Variants in RELL1 observed in about 807,000 individuals in gnomAD.
RELL1 encodes RELT-like protein 1.
RELL1 carries 10 observed loss-of-function variants against 23.0 expected under a neutral mutation model. The observed-to-expected ratio is 0.43, with a 90% CI of 0.27 to 0.74. The LOEUF is 0.74. Ranked by LOEUF, RELL1 falls within the 30% of genes least tolerant of loss-of-function variation. RELL1 has a pLI of 0.19. For synonymous variants in RELL1, 146 were observed against 146.8 expected (o/e 0.99, Z 0.04); for missense variants, 315 against 364.4 (o/e 0.86, Z 1.10).
At chr4:37,590,578 G>A, downstream of RELL1, 1 of 1,614,168 alleles carries the variant, frequency 6.2e-7, no homozygotes, top group Non-Finnish European at 8.5e-7. Flanking sequence ...TTTTGCCTTG[G>A]AAGTACAAGA....
intron 5 of RELL1, 131 bp downstream of exon 5, chr4:37,634,756 A>T: frequency 2.5e-6 from 2 of 803,926 alleles, no homozygotes; most frequent in South Asian, 1.6e-5. Flanking sequence ...ACCAGAAAAC[A>T]TCTAAAAAGC....
chr4:37,600,244 T>C (rs975689429), intron 6 of RELL1, among the ~76,000 whole-genome samples: 2 of 138,758 alleles, frequency 1.4e-5, no homozygotes, highest in South Asian at 4.5e-4. Flanking sequence ...CACTCCAGCC[T>C]GGGTGACAGA....
chr4:37,606,226 GGAAA>G (rs1719219383), downstream of RELL1, among the ~76,000 whole-genome samples: 1 of 141,446 alleles, frequency 7.1e-6, no homozygotes, highest in African/African-American at 2.4e-5. This position sits in a 1 kb window ranked among gnomAD's most constrained non-coding sequence, Gnocchi z 4.1. Context: ...GAAAGAAAAA[GGAAA>G]GAAGACAAGA....
At chr4:37,653,591 G>A (rs190839541) in intron 1 of RELL1, among the ~76,000 whole-genome samples, 104 of 151,078 alleles carry the variant, frequency 6.9e-4, no homozygotes, top group African/African-American at 2.3e-3. Context: ...ACTGAGACCC[G>A]TCTCAGATAC....
At chr4:37,685,981 G>C (rs1267351492) in intron 1 of RELL1, among the ~76,000 whole-genome samples, 1 of 152,264 alleles carries the variant, frequency 6.6e-6, no homozygotes, top group African/African-American at 2.4e-5. Flanking sequence ...AGGGAGGGAA[G>C]GCGGGAGCGG....
downstream of RELL1, among the ~76,000 whole-genome samples, chr4:37,605,831 GAAA>G (rs1194848785): frequency 8.9e-6 from 1 of 111,838 alleles, no homozygotes; most frequent in Non-Finnish European, 2.1e-5. Flanking sequence ...AAGAAAGAAA[GAAA>G]GAAAGAAAGA....
chr4:37,626,178 T>C (rs1478222120), intron 6 of RELL1, among the ~76,000 whole-genome samples: 2 of 152,108 alleles, frequency 1.3e-5, no homozygotes, highest in Non-Finnish European at 2.9e-5. Context: ...CGCAGGTCAC[T>C]AACAAAAATT....
intron 3 of RELL1, among the ~76,000 whole-genome samples, chr4:37,646,887 C>T (rs4832733): frequency 0.026 from 3,942 of 152,152 alleles, 209 homozygotes; most frequent in East Asian, 0.16. Context: ...GCCACCATGC[C>T]TGGCTATTTA....
chr4:37,593,778 G>A (rs1487085841), intron 6 of RELL1, among the ~76,000 whole-genome samples: 1 of 152,204 alleles, frequency 6.6e-6, no homozygotes, highest in Non-Finnish European at 1.5e-5. Context: ...GGTTTCAAAA[G>A]ATTGGAAGAT....
chr4:37,647,176 C>T (rs540618877), intron 3 of RELL1, among the ~76,000 whole-genome samples, 192 bp downstream of exon 3: 4 of 152,322 alleles, frequency 2.6e-5, no homozygotes, highest in Admixed American at 1.3e-4. Context: ...GTCTCTGCAA[C>T]GCTTAGACCG....
chr4:37,647,705 C>T (rs1040889519), intron 2 of RELL1, among the ~76,000 whole-genome samples: 3 of 152,144 alleles, frequency 2.0e-5, no homozygotes, highest in African/African-American at 7.2e-5. Context: ...TGCATTTGTA[C>T]CAGTCTTCAT....
At chr4:37,660,477 C>A (rs1014954794) in intron 1 of RELL1, among the ~76,000 whole-genome samples, 13 of 152,182 alleles carry the variant, frequency 8.5e-5, no homozygotes, top group Admixed American at 6.5e-5. Context: ...CCTTTGACAG[C>A]AACATCAAAT....
At chr4:37,618,247 G>T (rs2109239576) in intron 6 of RELL1, among the ~76,000 whole-genome samples, 1 of 151,838 alleles carries the variant, frequency 6.6e-6, no homozygotes, top group South Asian at 2.1e-4. Flanking sequence ...GTCTCACTCT[G>T]TTGCCCAGGC....
At chr4:37,590,285 G>A (rs763876800), downstream of RELL1, 23 of 1,613,980 alleles carry the variant, frequency 1.4e-5, no homozygotes, top group Non-Finnish European at 1.7e-5. Flanking sequence ...TGGGAGCCCT[G>A]CTGGCCTCAC....
chr4:37,590,274 A>G, downstream of RELL1: 1 of 1,614,150 alleles, frequency 6.2e-7, no homozygotes. Flanking sequence ...CAGCTGATCC[A>G]TGGGAGCCCT....
chr4:37,633,544 A>G (rs1420740930), intron 5 of RELL1, among the ~76,000 whole-genome samples: 1 of 151,470 alleles, frequency 6.6e-6, no homozygotes, highest in East Asian at 1.9e-4. Context: ...ACTGCTTTGC[A>G]TTCATAAATT....
At chr4:37,602,343 C>G (rs1181571365) in intron 6 of RELL1, among the ~76,000 whole-genome samples, 1 of 150,884 alleles carries the variant, frequency 6.6e-6, no homozygotes, top group Middle Eastern at 3.2e-3. Context: ...GCCCCTAGCC[C>G]ACAGCTTTAG....
At chr4:37,635,759 G>A (rs1388627347) in intron 4 of RELL1, among the ~76,000 whole-genome samples, 1 of 152,162 alleles carries the variant, frequency 6.6e-6, no homozygotes, top group East Asian at 1.9e-4. Flanking sequence ...CCTTTCTCAT[G>A]CAATTATCCT....
At chr4:37,587,747 T>A (rs1230283345), downstream of RELL1, among the ~76,000 whole-genome samples, 1 of 152,154 alleles carries the variant, frequency 6.6e-6, no homozygotes, top group Admixed American at 6.5e-5. Context: ...GGCAGGCAGA[T>A]CACTTGAGGT....
Sources: allele counts gnomAD v4.1 joint callset (sites outside exome capture counted in the v4.1 genomes callset), GRCh38; gene constraint gnomAD v4.1.1; non-coding constraint Gnocchi (gnomAD v3.1); transcripts MANE v1.5; gene names NCBI Gene and HGNC (gene_info 2026-07-23, HGNC 2026-07-21).